Variants in NKAIN3 observed in about 807,000 individuals in gnomAD.
The protein encoded by NKAIN3 is sodium/potassium-transporting ATPase subunit beta-1-interacting protein 3.
NKAIN3 carries 25 observed loss-of-function variants against 30.2 expected under a neutral mutation model. The observed-to-expected ratio is 0.83, with a 90% confidence interval of 0.60 to 1.16. The LOEUF is 1.16. NKAIN3 is among the 50% of genes most tolerant of loss of function. The pLI, the probability that NKAIN3 is intolerant of heterozygous loss-of-function variation, is 0.00. For missense variants in NKAIN3, 225 were observed against 254.1 expected (o/e 0.89, Z 0.78); for synonymous variants, 91 against 89.6 (o/e 1.02, Z -0.09).
At chr8:62,460,656 G>A (rs1461923752) in intron 1 of NKAIN3, among the ~76,000 whole-genome samples, 1 of 152,094 alleles carries the variant, frequency 6.6e-6, no homozygotes. Flanking sequence ...GCAAGCATCA[G>A]AGAGGGAAGA....
Position 62,738,909 on chromosome 8 carries a change from T to C in NKAIN3, c.274-8023T>C, listed in dbSNP as rs528472437. Among the ~76,000 whole-genome samples, 159 of 152,228 alleles carry C rather than the reference T, an allele frequency of 1.0e-3. 1 individual carries two copies. Among genetic ancestry groups the C allele is most frequent in the African/African-American group, 3.7e-3 (153 of 41,532 alleles). The stretch of plus-strand genomic sequence containing the variant: ...GACTGGATAAAGAAAATGTGGCACA[T>C]ATACACCATGGAATACTATGCAGCC... On this transcript the variant is annotated intron_variant, in intron 3 of 6. Transcript: ENST00000623646.
intron 4 of NKAIN3, among the ~76,000 whole-genome samples, chr8:62,884,417 C>T (rs1403076461): frequency 1.3e-5 from 2 of 152,116 alleles, no homozygotes; most frequent in African/African-American, 2.4e-5. Context: ...CGCCACCACA[C>T]CTAGCTAATT....
intron 1 of NKAIN3, among the ~76,000 whole-genome samples, chr8:62,407,265 C>CAT (rs560347302): frequency 1.3e-3 from 191 of 151,116 alleles, no homozygotes; most frequent in African/African-American, 4.6e-3. Flanking sequence ...TATATATACA[C>CAT]AAAAATTATA....
intron 4 of NKAIN3, among the ~76,000 whole-genome samples, chr8:62,748,543 C>G (rs1816163443): frequency 6.6e-6 from 1 of 152,116 alleles, no homozygotes; most frequent in Non-Finnish European, 1.5e-5. Context: ...AGGCATGGCT[C>G]TTCTAGGGCC....
chr8:62,633,542 G>A (rs1298523669), intron 3 of NKAIN3, among the ~76,000 whole-genome samples: 3 of 152,190 alleles, frequency 2.0e-5, no homozygotes, highest in Admixed American at 6.5e-5. Flanking sequence ...CACAGGGCAG[G>A]CATCAGTGGC....
At chr8:62,996,719 T>C (rs78642390) in intron 5 of NKAIN3, among the ~76,000 whole-genome samples, 8,672 of 152,150 alleles carry the variant, frequency 0.057, 323 homozygotes, top group Non-Finnish European at 0.085. Context: ...ATGGGAGAAA[T>C]TGGCCAAAAC....
At chr8:62,802,297 A>G (rs1167829245) in intron 4 of NKAIN3, among the ~76,000 whole-genome samples, 1 of 152,180 alleles carries the variant, frequency 6.6e-6, no homozygotes, top group African/African-American at 2.4e-5. Context: ...CGAGAAGAGC[A>G]ACTCCAAGAC....
chr8:62,403,649 C>T (rs1381547718), intron 1 of NKAIN3, among the ~76,000 whole-genome samples: 2 of 152,196 alleles, frequency 1.3e-5, no homozygotes, highest in Non-Finnish European at 2.9e-5. Context: ...GTTTGGGAAC[C>T]TCTGCCTAGA....
chr8:62,470,334 A>C (rs186319481), intron 1 of NKAIN3, among the ~76,000 whole-genome samples: 251 of 152,318 alleles, frequency 1.6e-3, no homozygotes, highest in African/African-American at 5.8e-3. Context: ...TTGATAAAAC[A>C]AAAGGGCAAG....
intron 1 of NKAIN3, among the ~76,000 whole-genome samples, chr8:62,404,432 G>A (rs899063683): frequency 6.6e-6 from 1 of 152,138 alleles, no homozygotes; most frequent in Non-Finnish European, 1.5e-5. Flanking sequence ...TCCTTGGATG[G>A]AGCCGGTAGG....
chr8:62,541,030 C>T (rs954944052), intron 1 of NKAIN3, among the ~76,000 whole-genome samples: 6 of 152,154 alleles, frequency 3.9e-5, no homozygotes, highest in Non-Finnish European at 7.3e-5. Flanking sequence ...CCAGAGCCAA[C>T]CAGGCTCAGT....
rs570989024 is a variant in NKAIN3 at position 62,589,708 on chromosome 8, A to G, written c.193-6A>G. ...TTCTCTTTCTCCCTCCCCCATTTCT[A>G]TCTAGTATACAGTGTGGACTGCCCT... On this transcript the variant is annotated splice_region_variant and splice_polypyrimidine_tract_variant and intron_variant, in intron 2 of 6. Transcript: ENST00000623646. 1.2e-5 allele frequency: 17 copies of G among 1,472,126 alleles called. No individual in the cohort carries two copies. Among genetic ancestry groups the G allele is most frequent in the African/African-American group, 2.9e-5 (2 of 70,058 alleles). 91.2% of individuals were successfully genotyped at this position (1,472,126 alleles called of 1,614,324 possible).
chr8:62,256,156 G>A (rs116892843), intron 1 of NKAIN3, among the ~76,000 whole-genome samples: 1 of 152,078 alleles, frequency 6.6e-6, no homozygotes, highest in East Asian at 1.9e-4. Context: ...CCTCATGCCT[G>A]TAATCCAGCA....
At chr8:62,531,712 T>G (rs1269305414) in intron 1 of NKAIN3, among the ~76,000 whole-genome samples, 1 of 152,212 alleles carries the variant, frequency 6.6e-6, no homozygotes, top group Non-Finnish European at 1.5e-5. Context: ...CAACCCATAG[T>G]GTCATTTAAG....
chr8:62,651,598 T>C (rs1254608241), intron 3 of NKAIN3, among the ~76,000 whole-genome samples: 2 of 152,194 alleles, frequency 1.3e-5, no homozygotes, highest in Non-Finnish European at 2.9e-5. Flanking sequence ...GAGGGCCTAC[T>C]TTTTGGTTCA....
Position 62,661,475 on chromosome 8 carries a change from C to G in NKAIN3, c.273+71681C>G, listed in dbSNP as rs928322859. 5.9e-5 allele frequency among the ~76,000 whole-genome samples: 9 copies of G among 152,270 alleles called. No homozygotes were observed. In the East Asian group the frequency reaches 1.7e-3, roughly 29 times the overall value. ...AATCTTTCTCATGAGCCTCTACTTC[C>G]CTGGGCTGGGGCCAAGAAGGTGGGG... On this transcript the variant is annotated intron_variant, in intron 3 of 6. Coordinates refer to ENST00000623646, the MANE Select transcript of NKAIN3 (RefSeq NM_001304533.3).
intron 4 of NKAIN3, among the ~76,000 whole-genome samples, chr8:62,905,760 T>C (rs2130843346): frequency 6.6e-6 from 1 of 152,298 alleles, no homozygotes; most frequent in East Asian, 1.9e-4. Context: ...CATACTTCTC[T>C]GGTCAGTCCT....
chr8:62,988,580 CT>C (rs1219257438), downstream of NKAIN3, among the ~76,000 whole-genome samples: 1 of 152,236 alleles, frequency 6.6e-6, no homozygotes, highest in Non-Finnish European at 1.5e-5. Context: ...ACCTTGTCCC[CT>C]TTTAGCCAAG....
At chr8:62,445,756 C>T (rs886623849) in intron 1 of NKAIN3, among the ~76,000 whole-genome samples, 3 of 152,118 alleles carry the variant, frequency 2.0e-5, no homozygotes, top group African/African-American at 4.8e-5. Flanking sequence ...TCTCTTACCC[C>T]ATCAAAAATC....
Sources: allele counts gnomAD v4.1 joint callset (sites outside exome capture counted in the v4.1 genomes callset), GRCh38; gene constraint gnomAD v4.1.1; transcripts MANE v1.5; gene names NCBI Gene and HGNC (gene_info 2026-07-23, HGNC 2026-07-21).